CTNNA2: variants seen among roughly 807,000 people sequenced by gnomAD.
CTNNA2 encodes catenin alpha-2.
In CTNNA2, 42 loss-of-function variants were observed where a neutral mutation model predicts 101.0. That is an observed-to-expected ratio of 0.42 (90% CI 0.32 to 0.54). The LOEUF (loss-of-function observed/expected upper bound fraction) is 0.54. Among genes scored for constraint, CTNNA2 ranks in the 20% least tolerant of loss-of-function variants. The pLI is 0.14. For synonymous variants in CTNNA2, 450 were observed against 456.4 expected (o/e 0.99, Z 0.18); for missense variants, 871 against 1,223.1 (o/e 0.71, Z 4.29).
intron 7 of CTNNA2, among the ~76,000 whole-genome samples, chr2:80,376,604 C>G (rs1463306459): frequency 6.6e-6 from 1 of 152,068 alleles, no homozygotes; most frequent in East Asian, 1.9e-4. Context: ...ATAGATAGAT[C>G]TCTAGACTTT....
At chr2:79,354,767 A>G (rs1200741642) in intron 3 of CTNNA2, among the ~76,000 whole-genome samples, 2 of 152,122 alleles carry the variant, frequency 1.3e-5, no homozygotes, top group East Asian at 1.9e-4. Context: ...TGCTCCACTC[A>G]CTACTTCCTT....
At chr2:80,321,912 C>G (rs949716596) in intron 7 of CTNNA2, among the ~76,000 whole-genome samples, 19 of 151,836 alleles carry the variant, frequency 1.3e-4, no homozygotes, top group African/African-American at 4.6e-4. Context: ...TATAGCCCTT[C>G]TGAAGATTCT....
intron 1 of CTNNA2, among the ~76,000 whole-genome samples, chr2:79,646,719 T>C (rs1680850662): frequency 6.6e-6 from 1 of 151,846 alleles, no homozygotes; most frequent in Non-Finnish European, 1.5e-5. Flanking sequence ...TTGTAGATAT[T>C]GGTCTCACTA....
chr2:79,455,000 G>A (rs1396589636), intron 4 of CTNNA2, among the ~76,000 whole-genome samples: 1 of 152,150 alleles, frequency 6.6e-6, no homozygotes, highest in East Asian at 1.9e-4. Flanking sequence ...TTAACACAGT[G>A]CCTCAATGGT....
chr2:79,360,684 C>CA (rs1677607972), intron 3 of CTNNA2, among the ~76,000 whole-genome samples: 2 of 152,182 alleles, frequency 1.3e-5, no homozygotes, highest in South Asian at 4.2e-4. Flanking sequence ...AGGGAAAACA[C>CA]AAAAAGTCAA....
At chr2:80,072,419 T>C (rs1698405368) in intron 7 of CTNNA2, among the ~76,000 whole-genome samples, 1 of 152,040 alleles carries the variant, frequency 6.6e-6, no homozygotes. Context: ...GCACTTAAGC[T>C]TGGAAAAGGG....
At chr2:80,375,563 T>TTC (rs1491144206) in intron 7 of CTNNA2, among the ~76,000 whole-genome samples, 1 of 52,474 alleles carries the variant, frequency 1.9e-5, no homozygotes, top group Non-Finnish European at 3.1e-5. Context: ...TTCTGGCTTC[T>TTC]TTTTTTTTTT....
At chr2:79,306,584 A>G (rs1676254117) in intron 2 of CTNNA2, among the ~76,000 whole-genome samples, 1 of 152,216 alleles carries the variant, frequency 6.6e-6, no homozygotes, top group East Asian at 1.9e-4. Flanking sequence ...GCTGTTTTAA[A>G]TTTTAGGTAT....
chr2:80,622,556 CTA>C (rs1310417204), intron 18 of CTNNA2, among the ~76,000 whole-genome samples: 1 of 151,820 alleles, frequency 6.6e-6, no homozygotes, highest in Non-Finnish European at 1.5e-5. Context: ...GGTTTTAACA[CTA>C]AGTAAAACTG....
intron 12 of CTNNA2, among the ~76,000 whole-genome samples, chr2:80,561,190 G>A (rs1339361748): frequency 6.6e-6 from 1 of 152,126 alleles, no homozygotes; most frequent in African/African-American, 2.4e-5. Context: ...GGTGGTAGGG[G>A]CAGCTTATTG....
At chr2:79,483,533 T>A (rs1033742240) in intron 4 of CTNNA2, among the ~76,000 whole-genome samples, 2 of 152,086 alleles carry the variant, frequency 1.3e-5, no homozygotes, top group African/African-American at 4.8e-5. Flanking sequence ...CAGTTCCCCA[T>A]GGGCTGGTGG....
Position 80,366,819 on chromosome 2 carries a change from G to A in CTNNA2, c.1057-26392G>A, listed in dbSNP as rs1016170875. On this transcript the variant is annotated intron_variant, in intron 7 of 18. Coordinates refer to ENST00000402739, the MANE Select transcript of CTNNA2 (RefSeq NM_001282597.3). The stretch of plus-strand genomic sequence containing the variant: ...GCACAGCTGTGACACAGCCTTAGGA[G>A]GTCCTGATGACATGTGCCCAAGGTG... 5.3e-5 allele frequency among the ~76,000 whole-genome samples: 8 copies of A among 152,066 alleles called. No homozygotes were observed. In the East Asian group the frequency reaches 1.4e-3, roughly 26 times the overall value.
intron 3 of CTNNA2, among the ~76,000 whole-genome samples, chr2:79,803,550 T>G (rs1676332641): frequency 6.6e-6 from 1 of 152,262 alleles, no homozygotes. Context: ...GTTTGTGGCT[T>G]AAGGATGCCT....
At chr2:80,524,227 C>G (rs901174216) in intron 9 of CTNNA2, among the ~76,000 whole-genome samples, 1 of 152,116 alleles carries the variant, frequency 6.6e-6, no homozygotes, top group African/African-American at 2.4e-5. Flanking sequence ...TACTTCACCT[C>G]CAAGTGTTCT....
At chr2:79,995,286 G>T (rs755344180) in intron 7 of CTNNA2, among the ~76,000 whole-genome samples, 5 of 152,154 alleles carry the variant, frequency 3.3e-5, no homozygotes, top group Non-Finnish European at 7.3e-5. Context: ...GGTCACACAG[G>T]CAGGGGTGGT....
intron 7 of CTNNA2, among the ~76,000 whole-genome samples, chr2:80,122,031 A>G (rs1335136734): frequency 6.6e-6 from 1 of 152,192 alleles, no homozygotes; most frequent in Non-Finnish European, 1.5e-5. Flanking sequence ...TCACAAATGC[A>G]GAATCTTGGA....
intron 4 of CTNNA2, among the ~76,000 whole-genome samples, chr2:79,398,736 A>G (rs1416648829): frequency 2.6e-5 from 4 of 152,050 alleles, no homozygotes; most frequent in Non-Finnish European, 5.9e-5. Flanking sequence ...CTTCCATAAC[A>G]ATAACAGGGA....
At chr2:80,118,892 A>G (rs957931412) in intron 7 of CTNNA2, among the ~76,000 whole-genome samples, 1 of 152,062 alleles carries the variant, frequency 6.6e-6, no homozygotes, top group African/African-American at 2.4e-5. Flanking sequence ...CTTAGCCTTT[A>G]CTCCGATTCT....
chr2:79,705,779 A>G (rs1345896078), intron 2 of CTNNA2, among the ~76,000 whole-genome samples: 5 of 152,232 alleles, frequency 3.3e-5, no homozygotes, highest in African/African-American at 1.2e-4. Flanking sequence ...CATGGGCTTC[A>G]TTGCAATAAA....
Sources: allele counts gnomAD v4.1 joint callset (sites outside exome capture counted in the v4.1 genomes callset), GRCh38; gene constraint gnomAD v4.1.1; transcripts MANE v1.5; gene names NCBI Gene and HGNC (gene_info 2026-07-23, HGNC 2026-07-21).